CADPS: variants seen among roughly 807,000 people sequenced by gnomAD.
CADPS encodes the protein calcium dependent secretion activator, also known as calcium-dependent secretion activator 1.
Under a neutral mutation model 167.3 loss-of-function variants are expected in CADPS, and 57 were observed. The ratio of observed to expected loss-of-function variants is 0.34; its 90% CI spans 0.28 to 0.42. The LOEUF is 0.42. CADPS is among the 20% of genes least tolerant of loss of function. The pLI is 1.00. For missense variants in CADPS, 1,414 were observed against 1,738.1 expected, an observed-to-expected ratio of 0.81 and a Z score of 3.32; for synonymous variants, 676 against 635.3, an observed-to-expected ratio of 1.06 and a Z score of -0.96.
chr3:62,840,770 G>A (rs1559870994), intron 1 of CADPS, among the ~76,000 whole-genome samples: 1 of 152,150 alleles, frequency 6.6e-6, no homozygotes, highest in Admixed American at 6.6e-5. Context: ...CAGCAGAACT[G>A]TGTCATAGGA....
chr3:62,590,513 G>C (rs184734273), intron 7 of CADPS, among the ~76,000 whole-genome samples: 130 of 152,188 alleles, frequency 8.5e-4, no homozygotes, highest in Non-Finnish European at 1.6e-3. Context: ...TCTGGGTAGG[G>C]ACACTGTTTT....
intron 19 of CADPS, among the ~76,000 whole-genome samples, 160 bp from the exon 20 acceptor site, chr3:62,492,606 G>T (rs1403529564): frequency 6.6e-6 from 1 of 152,168 alleles, no homozygotes; most frequent in Admixed American, 6.5e-5. Flanking sequence ...TACAATTGGG[G>T]TGTTAAGTGT....
chr3:62,605,836 G>A (rs2060623720), intron 6 of CADPS, among the ~76,000 whole-genome samples: 1 of 152,220 alleles, frequency 6.6e-6, no homozygotes, highest in Non-Finnish European at 1.5e-5. Context: ...TAATCCAAGT[G>A]CCAGTACTGG....
chr3:62,619,751 T>A (rs2062874257), intron 6 of CADPS, among the ~76,000 whole-genome samples: 1 of 152,202 alleles, frequency 6.6e-6, no homozygotes, highest in African/African-American at 2.4e-5. Flanking sequence ...GAAAAGTTTT[T>A]GTTGTACTAT....
chr3:62,612,136 A>G (rs2061590378), intron 6 of CADPS, among the ~76,000 whole-genome samples: 1 of 152,226 alleles, frequency 6.6e-6, no homozygotes. Context: ...TTCATTATGT[A>G]TAGAATACTC....
chr3:62,588,652 T>C (rs1384235539), intron 7 of CADPS, among the ~76,000 whole-genome samples: 3 of 152,152 alleles, frequency 2.0e-5, no homozygotes, highest in Non-Finnish European at 4.4e-5. Flanking sequence ...AATAAATAAA[T>C]TCAAGGCTAT....
At chr3:62,787,426 T>G (rs971666599) in intron 1 of CADPS, among the ~76,000 whole-genome samples, 2 of 152,210 alleles carry the variant, frequency 1.3e-5, no homozygotes, top group Non-Finnish European at 2.9e-5. Context: ...ATTATTTTAC[T>G]TTATTTTCAT....
intron 1 of CADPS, among the ~76,000 whole-genome samples, chr3:62,856,222 G>T (rs1156320456): frequency 6.6e-6 from 1 of 152,106 alleles, no homozygotes; most frequent in Non-Finnish European, 1.5e-5. Flanking sequence ...TTTGGTTAAT[G>T]CAAGAAGTCA....
chr3:62,803,528 G>A (rs1483485928), intron 1 of CADPS, among the ~76,000 whole-genome samples: 1 of 151,904 alleles, frequency 6.6e-6, no homozygotes, highest in African/African-American at 2.4e-5. Flanking sequence ...GAACGTGATG[G>A]CCCTTGCCCC....
At chr3:62,569,547 G>A (rs1235196552) in intron 9 of CADPS, among the ~76,000 whole-genome samples, 1 of 152,218 alleles carries the variant, frequency 6.6e-6, no homozygotes, top group Non-Finnish European at 1.5e-5. Flanking sequence ...TTTTGCCTTA[G>A]CGGCACAGCA....
At chr3:62,718,392 C>T (rs185973822) in intron 3 of CADPS, among the ~76,000 whole-genome samples, 2 of 152,298 alleles carry the variant, frequency 1.3e-5, no homozygotes, top group Non-Finnish European at 2.9e-5. Context: ...CAAACAATTT[C>T]TACCTGTAAA....
intron 28 of CADPS, among the ~76,000 whole-genome samples, chr3:62,417,468 A>G (rs1007709190): frequency 6.6e-6 from 1 of 151,368 alleles, no homozygotes; most frequent in Non-Finnish European, 1.5e-5. Context: ...TATTTTTAGT[A>G]GAGATGGGGT....
At chr3:62,456,648 T>C (rs1019616378) in intron 26 of CADPS, among the ~76,000 whole-genome samples, 2 of 151,984 alleles carry the variant, frequency 1.3e-5, no homozygotes, top group Non-Finnish European at 2.9e-5. Context: ...CTAACACCAG[T>C]AGCATCTGAG....
chr3:62,792,599 AT>A (rs1023735090), intron 1 of CADPS, among the ~76,000 whole-genome samples: 17 of 151,700 alleles, frequency 1.1e-4, no homozygotes, highest in Admixed American at 3.3e-4. Flanking sequence ...TAAAAAACTT[AT>A]TTTTTATTTT....
chr3:62,765,781 C>G, intron 2 of CADPS, 90 bp downstream of exon 2: 2 of 739,062 alleles, frequency 2.7e-6, no homozygotes, highest in Admixed American at 2.3e-5. Context: ...TGTAGTAAAC[C>G]AAAACGACTG....
At chr3:62,746,807 G>C (rs1342818866) in intron 3 of CADPS, among the ~76,000 whole-genome samples, 1 of 152,148 alleles carries the variant, frequency 6.6e-6, no homozygotes, top group African/African-American at 2.4e-5. Flanking sequence ...CCAGATGTGA[G>C]CACAGCCTCG....
intron 20 of CADPS, 112 bp downstream of exon 20, chr3:62,492,178 A>G: frequency 1.1e-6 from 1 of 896,542 alleles, no homozygotes; most frequent in Non-Finnish European, 1.8e-6. Context: ...AATCATAATA[A>G]AACCATGAAG....
chr3:62,491,374 G>A lies in CADPS; in HGVS notation c.2991C>T (p.His997=), dbSNP rs1410683746. 6.2e-7 allele frequency: 1 copy of A among 1,614,138 alleles called. No homozygotes were observed. Among genetic ancestry groups the A allele is most frequent in the South Asian group, 1.1e-5 (1 of 91,076 alleles). ...LMESSIAQSI[H]RGFERESWEP... ...CCCATGACTCCCGCTCAAAGCCCCT[G>A]TGAATGGATTGTGCAATTGAGGACT... Residue 997 remains histidine, a synonymous_variant, in exon 21 of 30, where the codon CAC becomes CAT. Coordinates refer to ENST00000383710, the MANE Select transcript of CADPS (RefSeq NM_003716.4).
At chr3:62,510,361 T>C (rs770847435) in intron 17 of CADPS, among the ~76,000 whole-genome samples, 8 of 152,190 alleles carry the variant, frequency 5.3e-5, no homozygotes. Context: ...GGAATCGTTA[T>C]GATGCTCAGA....
Sources: allele counts gnomAD v4.1 joint callset (sites outside exome capture counted in the v4.1 genomes callset), GRCh38; gene constraint gnomAD v4.1.1; transcripts MANE v1.5; gene names NCBI Gene and HGNC (gene_info 2026-07-23, HGNC 2026-07-21).